FBXL17: variants seen among roughly 807,000 people sequenced by gnomAD.
FBXL17 encodes the protein F-box and leucine rich repeat protein 17, also known as F-box/LRR-repeat protein 17.
A neutral mutation model predicts 66.2 loss-of-function variants in FBXL17; 22 were observed. The ratio of observed to expected loss-of-function variants is 0.33; its 90% CI spans 0.24 to 0.47. FBXL17 has a LOEUF of 0.47. Among genes scored for constraint, FBXL17 ranks in the 20% least tolerant of loss-of-function variants. The pLI is 1.00. For synonymous variants in FBXL17, 474 were observed against 400.5 expected (o/e 1.18, Z -2.19); for missense variants, 878 against 948.2 (o/e 0.93, Z 0.97).
At chr5:107,962,392 C>G (rs1421317684) in intron 7 of FBXL17, among the ~76,000 whole-genome samples, 2 of 152,078 alleles carry the variant, frequency 1.3e-5, no homozygotes, top group Admixed American at 1.3e-4. Context: ...AAATTGCTAC[C>G]AATCATTGAC....
At chr5:108,342,677 C>T (rs553276559) in intron 4 of FBXL17, among the ~76,000 whole-genome samples, 80 of 152,256 alleles carry the variant, frequency 5.3e-4, no homozygotes, top group African/African-American at 1.9e-3. Context: ...TTGACACCCA[C>T]CTGTTGTTAA....
intron 7 of FBXL17, among the ~76,000 whole-genome samples, chr5:108,015,920 G>A (rs1179879819): frequency 1.3e-5 from 2 of 148,904 alleles, no homozygotes; most frequent in African/African-American, 4.8e-5. Context: ...AAAACAAGAT[G>A]CATTTTTTTT....
intron 4 of FBXL17, among the ~76,000 whole-genome samples, chr5:108,339,802 C>T (rs1288076603): frequency 2.0e-5 from 3 of 152,098 alleles, no homozygotes; most frequent in Non-Finnish European, 2.9e-5. Context: ...ACTGGGATAT[C>T]CTTATCGGAG....
rs548879466 is a variant in FBXL17, at chr5:108,156,291, C to CAT, written c.1745+29824_1745+29825dup. ...CAGAATATATTAGGTGTTCAGTATA[C>CAT]ATATATATATATACTTGAGTTCATA... is the stretch of plus-strand genomic sequence containing the variant. On this transcript the variant is annotated intron_variant, in intron 6 of 8. Coordinates refer to ENST00000542267, the MANE Select transcript of FBXL17 (RefSeq NM_001163315.3). 5.4e-3 allele frequency among the ~76,000 whole-genome samples: 817 copies of CAT among 150,560 alleles called. 5 individuals carry two copies. Among genetic ancestry groups the CAT allele is most frequent in the African/African-American group, 0.018 (745 of 41,238 alleles).
At chr5:108,366,944 T>C (rs952501429) in intron 2 of FBXL17, among the ~76,000 whole-genome samples, 1 of 152,112 alleles carries the variant, frequency 6.6e-6, no homozygotes, top group Non-Finnish European at 1.5e-5. Context: ...GTTTATAGTG[T>C]GCCCCTCTTT....
intron 4 of FBXL17, among the ~76,000 whole-genome samples, chr5:108,233,959 G>A (rs1211575574): frequency 6.6e-6 from 1 of 152,154 alleles, no homozygotes; most frequent in African/African-American, 2.4e-5. Context: ...GGATTCCTGT[G>A]AGATCAAATG....
At chr5:108,322,012 T>C (rs982019534) in intron 4 of FBXL17, among the ~76,000 whole-genome samples, 2 of 151,874 alleles carry the variant, frequency 1.3e-5, no homozygotes, top group Admixed American at 6.6e-5. Context: ...ACTTCTTGAC[T>C]GTCAAAATGG....
chr5:107,964,825 C>A (rs1057123357), intron 7 of FBXL17, among the ~76,000 whole-genome samples: 1 of 152,078 alleles, frequency 6.6e-6, no homozygotes, highest in Non-Finnish European at 1.5e-5. Context: ...ATTGGGGAAA[C>A]TCATGAAAGT....
intron 6 of FBXL17, among the ~76,000 whole-genome samples, chr5:108,182,064 C>T (rs375620266): frequency 5.3e-5 from 8 of 152,124 alleles, no homozygotes; most frequent in African/African-American, 1.4e-4. Context: ...AGGTTACTTT[C>T]GTCCCCTCGA....
At chr5:107,905,109 GAAT>G (rs984443386) in intron 7 of FBXL17, among the ~76,000 whole-genome samples, 2 of 151,646 alleles carry the variant, frequency 1.3e-5, no homozygotes, top group African/African-American at 2.4e-5. Flanking sequence ...AATAATAAAA[GAAT>G]AATAATGCTT....
At chr5:108,116,718 A>G (rs1371550221) in intron 6 of FBXL17, among the ~76,000 whole-genome samples, 1 of 142,426 alleles carries the variant, frequency 7.0e-6, no homozygotes, top group Non-Finnish European at 1.5e-5. Context: ...TGATAGATGA[A>G]TAATACCGTT....
intron 4 of FBXL17, among the ~76,000 whole-genome samples, chr5:108,258,737 ATTTTT>A (rs759401052): frequency 2.4e-5 from 3 of 122,888 alleles, no homozygotes; most frequent in African/African-American, 3.0e-5. Context: ...GGCCTTTAAC[ATTTTT>A]TTTTTTTTTT....
intron 4 of FBXL17, among the ~76,000 whole-genome samples, chr5:108,330,875 C>A (rs1760090421): frequency 6.6e-6 from 1 of 151,986 alleles, no homozygotes; most frequent in Non-Finnish European, 1.5e-5. Context: ...CCTGATGAAA[C>A]CTCGTCTCTA....
chr5:108,200,100 G>A (rs904551355), intron 5 of FBXL17, among the ~76,000 whole-genome samples: 1 of 152,156 alleles, frequency 6.6e-6, no homozygotes, highest in Non-Finnish European at 1.5e-5. Flanking sequence ...GCCAACACAA[G>A]TTGGAGCTGC....
At chr5:108,346,084 G>T in intron 4 of FBXL17, among the ~76,000 whole-genome samples, 1 of 152,064 alleles carries the variant, frequency 6.6e-6, no homozygotes, top group East Asian at 1.9e-4. Context: ...AGGTGTCAAA[G>T]TAAAAACATC....
intron 6 of FBXL17, among the ~76,000 whole-genome samples, chr5:108,143,803 T>C (rs1005911442): frequency 9.9e-5 from 15 of 151,220 alleles, no homozygotes; most frequent in Admixed American, 2.0e-4. Flanking sequence ...TGGATGTGTC[T>C]GCAATTTGGC....
rs563435428 is a variant in FBXL17 at position 108,289,451 on chromosome 5, T to C, written c.1506+58948A>G. The stretch of plus-strand genomic sequence containing the variant: ...AATAAACAATGGACCAAGACCAATA[T>C]GTAAAGAAGTATCAGTTTGAAGAAG... On this transcript the variant is annotated intron_variant, in intron 4 of 8. Coordinates refer to ENST00000542267, the MANE Select transcript of FBXL17 (RefSeq NM_001163315.3). 2.6e-5 allele frequency among the ~76,000 whole-genome samples: 4 copies of C among 152,238 alleles called. No individual in the cohort carries two copies. The East Asian group carries it at 7.7e-4, about 29-fold the overall frequency.
chr5:108,295,891 C>T (rs572378977), intron 4 of FBXL17, among the ~76,000 whole-genome samples: 14 of 148,054 alleles, frequency 9.5e-5, no homozygotes, highest in African/African-American at 3.0e-4. Context: ...GACTGTGTAG[C>T]ACACAGTAGA....
At chr5:108,144,581 T>C (rs1580507544) in intron 6 of FBXL17, among the ~76,000 whole-genome samples, 2 of 152,170 alleles carry the variant, frequency 1.3e-5, no homozygotes, top group East Asian at 1.9e-4. Flanking sequence ...GTTCCAACAT[T>C]TGTAATCATT....
Sources: gnomAD v4.1 joint callset for allele counts (sites outside exome capture counted in the v4.1 genomes callset) on GRCh38, gnomAD v4.1.1 for gene constraint, MANE v1.5 for transcripts, NCBI Gene and HGNC (gene_info 2026-07-23, HGNC 2026-07-21) for gene names.